GALNT13: variants seen among roughly 807,000 people sequenced by gnomAD.
The protein encoded by GALNT13 is UDP-GalNAc:polypeptide N-acetylgalactosaminyltransferase 13.
In GALNT13, 28 loss-of-function variants were observed where a neutral mutation model predicts 64.2. That is an observed-to-expected ratio of 0.44 (90% CI 0.32 to 0.60). GALNT13 has a LOEUF of 0.60. Ranked by LOEUF, GALNT13 falls within the 20% of genes least tolerant of loss-of-function variation. The pLI is 0.05. For synonymous variants in GALNT13, 214 were observed against 224.6 expected, an observed-to-expected ratio of 0.95 and a Z score of 0.42; for missense variants, 577 against 669.8, an observed-to-expected ratio of 0.86 and a Z score of 1.53.
the GALNT13 span, among the ~76,000 whole-genome samples, chr2:153,314,329 T>C: frequency 6.6e-6 from 1 of 152,064 alleles, no homozygotes; most frequent in South Asian, 2.1e-4. Flanking sequence ...TATTGAGAGT[T>C]CTAGAAGAAG....
the GALNT13 span, among the ~76,000 whole-genome samples, chr2:153,443,034 GC>G: frequency 1.2e-4 from 19 of 152,190 alleles, no homozygotes; most frequent in African/African-American, 4.1e-4. Flanking sequence ...CCTGGCTTCA[GC>G]CCCCTTTCCA....
chr2:153,877,846 A>G (rs1686491358), intron 1 of GALNT13, among the ~76,000 whole-genome samples: 2 of 152,174 alleles, frequency 1.3e-5, no homozygotes, highest in Admixed American at 1.3e-4. Flanking sequence ...TTGGTTGTTT[A>G]CTTTGTATTT....
At chr2:153,556,433 T>A in the GALNT13 span, among the ~76,000 whole-genome samples, 1 of 152,354 alleles carries the variant, frequency 6.6e-6, no homozygotes, top group South Asian at 2.1e-4. Flanking sequence ...AAGTAAATTT[T>A]ATTTTCATAT....
chr2:154,050,011 T>C (rs1519196), intron 3 of GALNT13, among the ~76,000 whole-genome samples: 115,062 of 151,868 alleles, frequency 0.76, 43,972 homozygotes, highest in East Asian at 0.96. Flanking sequence ...ATTAATTGGG[T>C]GAATTTTTGT....
chr2:153,628,124 T>G, the GALNT13 span, among the ~76,000 whole-genome samples: 426 of 152,136 alleles, frequency 2.8e-3, 9 homozygotes, highest in Admixed American at 0.023. Context: ...GTGAATGGGA[T>G]TTCACTCATG....
At chr2:153,654,061 G>A in the GALNT13 span, among the ~76,000 whole-genome samples, 2 of 151,930 alleles carry the variant, frequency 1.3e-5, no homozygotes, top group African/African-American at 4.8e-5. Context: ...GATGCATTAA[G>A]ATACACATGG....
At chr2:153,639,594 A>C in the GALNT13 span, among the ~76,000 whole-genome samples, 1 of 152,178 alleles carries the variant, frequency 6.6e-6, no homozygotes, top group African/African-American at 2.4e-5. Context: ...CAAAAGAGTC[A>C]AAGGTAGGAT....
chr2:153,474,583 A>G, the GALNT13 span, among the ~76,000 whole-genome samples: 2 of 152,290 alleles, frequency 1.3e-5, no homozygotes, highest in African/African-American at 2.4e-5. Flanking sequence ...CGTATCAACA[A>G]TCTTAAGAAC....
At chr2:154,137,192 C>T (rs1348469186) in intron 3 of GALNT13, among the ~76,000 whole-genome samples, 1 of 152,000 alleles carries the variant, frequency 6.6e-6, no homozygotes, top group Non-Finnish European at 1.5e-5. Flanking sequence ...TGCCTTCCTC[C>T]AGGTAAAAGC....
At chr2:153,754,376 C>A in the GALNT13 span, among the ~76,000 whole-genome samples, 1 of 149,980 alleles carries the variant, frequency 6.7e-6, no homozygotes, top group Non-Finnish European at 1.5e-5. Flanking sequence ...TTATTCAGAG[C>A]CCAAGGGCTC....
At chr2:153,310,988 T>C in the GALNT13 span, among the ~76,000 whole-genome samples, 1 of 152,204 alleles carries the variant, frequency 6.6e-6, no homozygotes, top group Admixed American at 6.5e-5. Context: ...TTGTGATGCC[T>C]TTTAAATCTT....
the GALNT13 span, among the ~76,000 whole-genome samples, chr2:153,150,422 T>C: frequency 6.6e-6 from 1 of 152,080 alleles, no homozygotes; most frequent in African/African-American, 2.4e-5. Context: ...ATTCTGTAGG[T>C]TGCCTGTTCA....
intron 3 of GALNT13, among the ~76,000 whole-genome samples, chr2:153,985,509 G>A (rs148262689): frequency 6.6e-6 from 1 of 151,932 alleles, no homozygotes; most frequent in Non-Finnish European, 1.5e-5. Flanking sequence ...TGACTGGAGA[G>A]AATGGATTTT....
intron 9 of GALNT13, among the ~76,000 whole-genome samples, chr2:154,340,938 C>T (rs1309111155): frequency 1.3e-5 from 2 of 151,744 alleles, no homozygotes; most frequent in Non-Finnish European, 2.9e-5. Flanking sequence ...GCGCTGCGCA[C>T]GCCTGTATGT....
chr2:153,768,111 T>C, the GALNT13 span, among the ~76,000 whole-genome samples: 1 of 152,198 alleles, frequency 6.6e-6, no homozygotes, highest in South Asian at 2.1e-4. Flanking sequence ...TAATATTCAA[T>C]TTTGTTTATC....
chr2:153,588,112 C>A, the GALNT13 span, among the ~76,000 whole-genome samples: 1 of 152,204 alleles, frequency 6.6e-6, no homozygotes, highest in African/African-American at 2.4e-5. Context: ...AGCTCTGCCC[C>A]TGTGGCTTTT....
chr2:154,348,566 C>T (rs1574133271), intron 9 of GALNT13, among the ~76,000 whole-genome samples: 1 of 151,998 alleles, frequency 6.6e-6, no homozygotes, highest in East Asian at 1.9e-4. Context: ...GACAGGAGCC[C>T]TGACCCCGAA....
intron 3 of GALNT13, among the ~76,000 whole-genome samples, chr2:154,095,850 T>G (rs1000418240): frequency 2.6e-5 from 4 of 151,952 alleles, no homozygotes; most frequent in African/African-American, 9.7e-5. Flanking sequence ...GATAATGAAC[T>G]CCTGAAAGTT....
intron 4 of GALNT13, among the ~76,000 whole-genome samples, chr2:154,201,171 T>A (rs1244085690): frequency 6.6e-6 from 1 of 152,126 alleles, no homozygotes; most frequent in African/African-American, 2.4e-5. Flanking sequence ...AGTTGTCATG[T>A]GTATTAATAA....
Sources: gnomAD v4.1 joint callset for allele counts (sites outside exome capture counted in the v4.1 genomes callset) on GRCh38, gnomAD v4.1.1 for gene constraint, MANE v1.5 for transcripts, NCBI Gene and HGNC (gene_info 2026-07-23, HGNC 2026-07-21) for gene names.